LIMK2: variants seen among roughly 807,000 people sequenced by gnomAD.
LIMK2 encodes LIM domain kinase 2.
LIMK2 carries 35 observed loss-of-function variants against 75.7 expected under a neutral mutation model. The observed-to-expected ratio is 0.46, with a 90% CI of 0.35 to 0.61. The LOEUF (loss-of-function observed/expected upper bound fraction) is 0.61. Among genes scored for constraint, LIMK2 ranks in the 20% least tolerant of loss-of-function variants. LIMK2 has a pLI of 0.00. For missense variants in LIMK2, 623 were observed against 831.0 expected (o/e 0.75, Z 3.08); for synonymous variants, 301 against 319.2 (o/e 0.94, Z 0.61).
At position 31,272,320 on chromosome 22, in the gene LIMK2, C is replaced by T. The variant is rs568370269; in HGVS notation, c.1384-210C>T. Among the ~76,000 whole-genome samples, 22 of 151,936 alleles carry T rather than the reference C, an allele frequency of 1.4e-4. No homozygotes were observed. In the South Asian group the frequency reaches 4.4e-3, roughly 30 times the overall value. ...GAACTCCTGACCTCAGGTGATTCAC[C>T]CGCCTTGGCCTCCCAAAGTTCTGGG... is the stretch of plus-strand genomic sequence containing the variant. On this transcript the variant is annotated intron_variant, in intron 12 of 15. Transcript: ENST00000331728.
chr22:31,263,521 G>A (rs957177923), intron 7 of LIMK2, among the ~76,000 whole-genome samples: 6 of 152,134 alleles, frequency 3.9e-5, no homozygotes, highest in Non-Finnish European at 7.4e-5. Flanking sequence ...TTCAGTAAAC[G>A]TGACACATTC....
At position 31,233,292 on chromosome 22, in the gene LIMK2, G is replaced by A. The variant is rs72617295; in HGVS notation, c.116+7473G>A. ...CATTAAATTCAATCATGTATTCAAA[G>A]TCCTGAGCAGAATGTCTGGCCATGA... On this transcript the variant is annotated intron_variant, in intron 2 of 15. Transcript: ENST00000331728. Among the ~76,000 whole-genome samples, 5,423 of 152,278 alleles carry A rather than the reference G, an allele frequency of 0.036. 518 individuals carry two copies. The East Asian group carries it at 0.39, about 11-fold the overall frequency.
intron 15 of LIMK2, chr22:31,277,252 G>A (rs2049039445): frequency 6.5e-7 from 1 of 1,546,284 alleles, no homozygotes; most frequent in African/African-American, 1.4e-5. Context: ...CCATGAGCAG[G>A]GCTCCTCGTG....
At chr22:31,251,409 T>A (rs1022082665) in intron 2 of LIMK2, among the ~76,000 whole-genome samples, 2 of 152,200 alleles carry the variant, frequency 1.3e-5, no homozygotes, top group Non-Finnish European at 2.9e-5. Flanking sequence ...TGGGACTCTT[T>A]TCCTTATCTG....
chr22:31,266,033 C>A lies in LIMK2; in HGVS notation c.942C>A (p.Ser314=). 1 of 1,614,182 alleles carries A rather than the reference C, an allele frequency of 6.2e-7. No individual in the cohort carries two copies. Among genetic ancestry groups the A allele is most frequent in the Non-Finnish European group, 8.5e-7 (1 of 1,180,022 alleles). Reference sequence around the variant, plus strand: ...GCCGTGACATCAGCCGCTCAGAATCCCTTCGTTGTTCCAGCAGCTATTCAC... The same window carrying A: ...GCCGTGACATCAGCCGCTCAGAATCACTTCGTTGTTCCAGCAGCTATTCAC... ...LFSRDISRSE[S]LRCSSSYSQQ... is the part of the protein sequence containing the mutation. Residue 314 remains serine, a synonymous_variant, in exon 8 of 16, where the codon TCC becomes TCA. Coordinates refer to ENST00000331728, the MANE Select transcript of LIMK2 (RefSeq NM_005569.4).
intron 15 of LIMK2, chr22:31,277,743 C>A: frequency 6.2e-6 from 1 of 161,970 alleles, no homozygotes; most frequent in Non-Finnish European, 1.3e-5. Flanking sequence ...AGCATGGTAT[C>A]TACTGTATCA....
intron 14 of LIMK2, among the ~76,000 whole-genome samples, chr22:31,274,506 TC>T (rs2048992279): frequency 6.6e-6 from 1 of 152,102 alleles, no homozygotes; most frequent in Non-Finnish European, 1.5e-5. Flanking sequence ...GTTCAAGCAA[TC>T]CTCCTGCCTC....
chr22:31,229,987 C>G (rs915252712), intron 2 of LIMK2: 3 of 152,026 alleles, frequency 2.0e-5, no homozygotes, highest in Non-Finnish European at 4.4e-5. Flanking sequence ...ACTAGTCCTC[C>G]CAAGCCTTCC....
At chr22:31,250,303 C>T (rs1326689007) in intron 2 of LIMK2, among the ~76,000 whole-genome samples, 1 of 152,112 alleles carries the variant, frequency 6.6e-6, no homozygotes, top group Non-Finnish European at 1.5e-5. Flanking sequence ...AAGGGTTGTT[C>T]CTTTAGGAGC....
chr22:31,269,825 C>T (rs142950961), intron 11 of LIMK2, among the ~76,000 whole-genome samples: 69 of 149,982 alleles, frequency 4.6e-4, no homozygotes, highest in African/African-American at 1.6e-3. Context: ...GGGTGGAATG[C>T]GGAGGGTCCA....
chr22:31,245,253 C>G (rs111628959), intron 2 of LIMK2, among the ~76,000 whole-genome samples: 6,999 of 152,118 alleles, frequency 0.046, 185 homozygotes, highest in South Asian at 0.086. Context: ...GAACAGAGGC[C>G]GGCAAGCTAT....
chr22:31,260,667 G>T (rs2048829359), intron 5 of LIMK2, among the ~76,000 whole-genome samples: 1 of 152,226 alleles, frequency 6.6e-6, no homozygotes. Flanking sequence ...TATCTACCAT[G>T]TGTTGGACAC....
chr22:31,266,072 G>A lies in LIMK2; in HGVS notation c.981G>A (p.Arg327=). 1.2e-6 allele frequency: 2 copies of A among 1,614,184 alleles called. No individual in the cohort carries two copies. The change falls in exon 8 of 16, where the codon CGG becomes CGA. Residue 327 remains arginine, a synonymous_variant. Coordinates refer to ENST00000331728, the MANE Select transcript of LIMK2 (RefSeq NM_005569.4). ...CSSSYSQQIF[R]PCDLIHGEVL... is the part of the protein sequence containing the mutation. ...GCAGCTATTCACAGCAGATCTTCCG[G>A]CCCTGTGACCTAATCCATGGGGAGG...
chr22:31,262,463 G>A lies in LIMK2; in HGVS notation c.658-132G>A. 1.1e-6 allele frequency: 1 copy of A among 912,200 alleles called. No individual in the cohort carries two copies. Among genetic ancestry groups the A allele is most frequent in the South Asian group, 1.6e-5 (1 of 63,128 alleles). 56.5% of individuals were successfully genotyped at this position (912,200 alleles called of 1,614,324 possible). ...GGATGCCAGGCAGAGGGCACTGTGA[G>A]GCCACTGGCAGCTAAAGGCCACCAT... On this transcript the variant is annotated intron_variant, in intron 6 of 15. Transcript: ENST00000331728. The surrounding 1 kb of genome is among the most constrained non-coding windows in gnomAD (Gnocchi z 5.0).
chr22:31,238,661 C>A (rs1045495212), intron 2 of LIMK2, among the ~76,000 whole-genome samples: 2 of 152,148 alleles, frequency 1.3e-5, no homozygotes, highest in Non-Finnish European at 2.9e-5. Flanking sequence ...GATCACACCT[C>A]CTTCCTCGTT....
intron 2 of LIMK2, among the ~76,000 whole-genome samples, chr22:31,244,441 T>C (rs1248572445): frequency 2.0e-5 from 3 of 152,142 alleles, no homozygotes; most frequent in Non-Finnish European, 2.9e-5. Context: ...GGGAGAAAGA[T>C]TGCTCCCAGC....
chr22:31,228,051 A>T lies in LIMK2; in HGVS notation c.116+2232A>T, dbSNP rs535633754. Among the ~76,000 whole-genome samples the T allele has an allele frequency of 6.5e-3, 924 of 142,588 alleles. 11 individuals are homozygous for T. The highest frequency in any genetic ancestry group is 0.022 in the African/African-American group (851 of 38,526). The allele number at this position is 142,588 out of a possible 152,430, so 93.5% of individuals were successfully genotyped here. ...GTGTGTGTGTGTGTGTGTGTGTGTG[A>T]GATAGAGACAGAAAGATAACATATG... On this transcript the variant is annotated intron_variant, in intron 2 of 15. Coordinates refer to ENST00000331728, the MANE Select transcript of LIMK2 (RefSeq NM_005569.4).
At chr22:31,216,571 G>A (rs1456775756) in intron 1 of LIMK2, among the ~76,000 whole-genome samples, 1 of 152,212 alleles carries the variant, frequency 6.6e-6, no homozygotes. Flanking sequence ...TGGTAGCAAT[G>A]AAGAAGGCAC....
intron 2 of LIMK2, among the ~76,000 whole-genome samples, chr22:31,230,505 C>T (rs1468461558): frequency 1.3e-5 from 2 of 152,174 alleles, no homozygotes; most frequent in Non-Finnish European, 2.9e-5. Flanking sequence ...CAGCGTGGGT[C>T]TCTATTGCTT....
Sources: gnomAD v4.1 joint callset for allele counts (sites outside exome capture counted in the v4.1 genomes callset) on GRCh38, gnomAD v4.1.1 for gene constraint, Gnocchi (gnomAD v3.1) non-coding constraint, MANE v1.5 for transcripts, NCBI Gene and HGNC (gene_info 2026-07-23, HGNC 2026-07-21) for gene names.